GRID2: variants seen among roughly 807,000 people sequenced by gnomAD.
The protein encoded by GRID2 is glutamate receptor ionotropic, delta-2.
In GRID2, 33 loss-of-function variants were observed where a neutral mutation model predicts 114.8. The observed-to-expected ratio is 0.29, with a 90% CI of 0.22 to 0.38. GRID2 has a LOEUF of 0.38. GRID2 is among the 10% of genes least tolerant of loss of function. The pLI, the probability that GRID2 is intolerant of heterozygous loss-of-function variation, is 1.00. For missense variants in GRID2, 1,184 were observed against 1,257.7 expected (o/e 0.94, Z 0.89); for synonymous variants, 505 against 449.9 (o/e 1.12, Z -1.55).
chr4:92,679,699 G>A (rs1733551666), intron 2 of GRID2, among the ~76,000 whole-genome samples: 1 of 151,890 alleles, frequency 6.6e-6, no homozygotes, highest in African/African-American at 2.4e-5. Flanking sequence ...ATTTAGATCT[G>A]TTAATTGCGT....
chr4:93,620,551 A>G (rs1742120062), intron 13 of GRID2, among the ~76,000 whole-genome samples: 1 of 152,190 alleles, frequency 6.6e-6, no homozygotes, highest in Admixed American at 6.5e-5. Context: ...AGATGTCAGA[A>G]CAGGAGCATA....
chr4:92,579,268 G>A (rs1404941737), intron 1 of GRID2, among the ~76,000 whole-genome samples: 1 of 151,900 alleles, frequency 6.6e-6, no homozygotes, highest in Non-Finnish European at 1.5e-5. Flanking sequence ...TTTTCAATAT[G>A]TGTTTAAAAG....
At chr4:93,260,539 C>T (rs969737) in intron 8 of GRID2, among the ~76,000 whole-genome samples, 107,874 of 151,450 alleles carry the variant, frequency 0.71, 39,267 homozygotes, top group Middle Eastern at 0.86. Flanking sequence ...AGGAAAGAGG[C>T]ATTCAAGCAT....
At chr4:92,799,587 T>A (rs887568840) in intron 2 of GRID2, among the ~76,000 whole-genome samples, 3 of 152,002 alleles carry the variant, frequency 2.0e-5, no homozygotes, top group Admixed American at 6.6e-5. Context: ...ATCCCTAGCA[T>A]CTCTTTTTTA....
Position 92,669,829 on chromosome 4 carries a change from G to A in GRID2, c.244+79543G>A, listed in dbSNP as rs148485264. Among the ~76,000 whole-genome samples, 177 of 151,828 alleles carry A rather than the reference G, an allele frequency of 1.2e-3. 1 individual carries two copies. Among genetic ancestry groups the A allele is most frequent in the African/African-American group, 3.8e-3 (158 of 41,448 alleles). ...TCAATTTTGTATTCAAAATCTTATCGTAAGCCAAGCCACCTTCCAATAACA... is the reference window on the plus strand; with the variant it reads ...TCAATTTTGTATTCAAAATCTTATCATAAGCCAAGCCACCTTCCAATAACA... On this transcript the variant is annotated intron_variant, in intron 2 of 15. Transcript: ENST00000282020.
intron 2 of GRID2, among the ~76,000 whole-genome samples, chr4:92,746,755 T>G (rs533372558): frequency 1.3e-5 from 2 of 152,194 alleles, no homozygotes; most frequent in East Asian, 1.9e-4. Flanking sequence ...TTTGAGCAAA[T>G]TATTTTTTTC....
intron 2 of GRID2, among the ~76,000 whole-genome samples, chr4:93,071,619 G>A (rs528119254): frequency 6.6e-6 from 1 of 152,158 alleles, no homozygotes; most frequent in Admixed American, 6.6e-5. Flanking sequence ...TCTAGGTGAG[G>A]AGTACTCCAC....
At chr4:93,050,424 G>A (rs1726582496) in intron 2 of GRID2, among the ~76,000 whole-genome samples, 1 of 151,700 alleles carries the variant, frequency 6.6e-6, no homozygotes, top group Admixed American at 6.6e-5. Flanking sequence ...AGTGTAATCA[G>A]CAGCTGCTGA....
intron 14 of GRID2, among the ~76,000 whole-genome samples, chr4:93,668,177 C>T (rs1167934728): frequency 6.6e-6 from 1 of 151,930 alleles, no homozygotes; most frequent in African/African-American, 2.4e-5. Flanking sequence ...ATACCTAAAG[C>T]TTTTCACTCA....
chr4:93,044,284 C>G (rs1725910766), intron 2 of GRID2, among the ~76,000 whole-genome samples: 1 of 151,966 alleles, frequency 6.6e-6, no homozygotes. Flanking sequence ...GTTGTTATAT[C>G]TTTGGAAGAT....
intron 2 of GRID2, among the ~76,000 whole-genome samples, chr4:92,750,873 A>C (rs1737421279): frequency 6.6e-6 from 1 of 152,210 alleles, no homozygotes; most frequent in Admixed American, 6.5e-5. Context: ...TGGTAACAAT[A>C]ATTTTAGAGA....
chr4:93,676,999 G>T (rs1724937663), intron 14 of GRID2, among the ~76,000 whole-genome samples: 1 of 104,492 alleles, frequency 9.6e-6, no homozygotes, highest in Non-Finnish European at 1.8e-5. Context: ...GGAAGCGCAA[G>T]GGGTCAGGGA....
intron 2 of GRID2, among the ~76,000 whole-genome samples, chr4:92,783,884 C>T (rs1271942273): frequency 7.2e-6 from 1 of 139,402 alleles, no homozygotes; most frequent in Non-Finnish European, 1.6e-5. Flanking sequence ...GAAACACTCT[C>T]TCTAATTAAA....
chr4:93,081,295 G>C (rs1290869844), intron 2 of GRID2, among the ~76,000 whole-genome samples: 1 of 152,172 alleles, frequency 6.6e-6, no homozygotes, highest in South Asian at 2.1e-4. Context: ...CTCATTTTCA[G>C]TAAGAGGTAA....
chr4:92,989,013 C>G (rs2149199871), intron 2 of GRID2, among the ~76,000 whole-genome samples: 1 of 152,198 alleles, frequency 6.6e-6, no homozygotes, highest in South Asian at 2.1e-4. Flanking sequence ...GGTGCAGTGG[C>G]TCAAGCCTGT....
intron 1 of GRID2, among the ~76,000 whole-genome samples, chr4:92,352,886 T>G (rs904721853): frequency 2.6e-5 from 4 of 151,754 alleles, no homozygotes; most frequent in African/African-American, 9.7e-5. Context: ...CTAGTAGGAG[T>G]TTTTTTCAGA....
intron 1 of GRID2, among the ~76,000 whole-genome samples, chr4:92,398,814 A>T (rs1730633419): frequency 6.6e-6 from 1 of 152,198 alleles, no homozygotes; most frequent in South Asian, 2.1e-4. Flanking sequence ...CAGCCATATT[A>T]TTACAAAGTG....
At chr4:92,756,107 C>T (rs934538186) in intron 2 of GRID2, among the ~76,000 whole-genome samples, 2 of 152,130 alleles carry the variant, frequency 1.3e-5, no homozygotes, top group African/African-American at 2.4e-5. Flanking sequence ...CCCCTGCATC[C>T]TTCCCAGGCT....
At chr4:93,600,919 A>G (rs1739611510) in intron 13 of GRID2, among the ~76,000 whole-genome samples, 1 of 152,200 alleles carries the variant, frequency 6.6e-6, no homozygotes, top group South Asian at 2.1e-4. Context: ...GAGTCAGAAG[A>G]GTACATGCCA....
Sources: allele counts gnomAD v4.1 joint callset (sites outside exome capture counted in the v4.1 genomes callset), GRCh38; gene constraint gnomAD v4.1.1; transcripts MANE v1.5; gene names NCBI Gene and HGNC (gene_info 2026-07-23, HGNC 2026-07-21).